BTBD9: variants seen among roughly 807,000 people sequenced by gnomAD.
The protein encoded by BTBD9 is BTB domain containing 9, also known as BTB/POZ domain-containing protein 9.
BTBD9 carries 49 observed loss-of-function variants against 64.3 expected under a neutral mutation model. That is an observed-to-expected ratio of 0.76 (90% confidence interval 0.61 to 0.97). The LOEUF is 0.97. Among genes scored for constraint, BTBD9 ranks in the 50% least tolerant of loss-of-function variants. BTBD9 has a pLI of 0.00. For missense variants in BTBD9, 598 were observed against 762.1 expected (o/e 0.78, Z 2.53); for synonymous variants, 260 against 274.7 (o/e 0.95, Z 0.53).
At chr6:38,588,765 A>G (rs1459607507) in intron 4 of BTBD9, among the ~76,000 whole-genome samples, 3 of 152,212 alleles carry the variant, frequency 2.0e-5, no homozygotes, top group Non-Finnish European at 2.9e-5. Flanking sequence ...CTACTCTTAC[A>G]TGTATGTAAA....
intron 6 of BTBD9, among the ~76,000 whole-genome samples, chr6:38,506,615 T>C (rs956113113): frequency 6.6e-6 from 1 of 152,238 alleles, no homozygotes; most frequent in African/African-American, 2.4e-5. Flanking sequence ...GCTGAACCAT[T>C]GTAAACTGGA....
chr6:38,217,664 T>A (rs1433090009), intron 9 of BTBD9, among the ~76,000 whole-genome samples: 2 of 151,886 alleles, frequency 1.3e-5, no homozygotes, highest in African/African-American at 2.4e-5. Context: ...TGGGCCCAGT[T>A]TGGTTTTTTA....
intron 6 of BTBD9, among the ~76,000 whole-genome samples, chr6:38,418,878 T>G (rs75544445): frequency 0.039 from 5,872 of 152,272 alleles, 197 homozygotes; most frequent in East Asian, 0.13. Flanking sequence ...TTTGGGAGGC[T>G]AAGGCAGGAG....
intron 5 of BTBD9, among the ~76,000 whole-genome samples, chr6:38,579,761 G>A (rs537056398): frequency 2.0e-5 from 3 of 152,186 alleles, no homozygotes; most frequent in African/African-American, 7.2e-5. Flanking sequence ...CATTTTAGAG[G>A]AATATTTTTT....
intron 7 of BTBD9, among the ~76,000 whole-genome samples, chr6:38,342,837 T>C (rs1764156458): frequency 6.6e-6 from 1 of 152,194 alleles, no homozygotes; most frequent in African/African-American, 2.4e-5. Context: ...CATGGAAAGC[T>C]GGAGATTACT....
At chr6:38,593,446 C>G (rs1739632) in intron 3 of BTBD9, among the ~76,000 whole-genome samples, 107,064 of 152,072 alleles carry the variant, frequency 0.7, 39,086 homozygotes, top group African/African-American at 0.92. Flanking sequence ...CACAACAAGG[C>G]AAATGGAGAG....
At position 38,180,203 on chromosome 6, in the gene BTBD9, G is replaced by A. The variant is rs968461429; in HGVS notation, c.1642-5021C>T. Among the ~76,000 whole-genome samples, 3 of 152,200 alleles carry A rather than the reference G, an allele frequency of 2.0e-5. 1 individual carries two copies. The South Asian group carries it at 6.2e-4, about 31-fold the overall frequency. On this transcript the variant is annotated intron_variant, in intron 10 of 10. Coordinates refer to ENST00000481247, the MANE Select transcript of BTBD9 (RefSeq NM_001099272.2). ...TGCACGCAATGCAAATGGGCATTCG[G>A]GGGGGCCTGTGGGTGGTCCCGATTC...
intron 9 of BTBD9, among the ~76,000 whole-genome samples, chr6:38,219,476 T>C (rs1763128382): frequency 6.6e-6 from 1 of 151,990 alleles, no homozygotes. Flanking sequence ...TACTCTCTCT[T>C]TACTGAATCA....
chr6:38,489,771 T>C (rs1374835157), intron 6 of BTBD9, among the ~76,000 whole-genome samples: 1 of 152,226 alleles, frequency 6.6e-6, no homozygotes, highest in East Asian at 1.9e-4. Context: ...TTATATGCCA[T>C]CTTTTGTGAA....
chr6:38,458,474 C>T (rs575946166), intron 6 of BTBD9, among the ~76,000 whole-genome samples: 2 of 152,280 alleles, frequency 1.3e-5, no homozygotes, highest in South Asian at 2.1e-4. Flanking sequence ...CCCTAAAAGG[C>T]TTAGAAAATA....
chr6:38,632,631 C>T (rs2127533926), intron 1 of BTBD9, among the ~76,000 whole-genome samples: 1 of 152,166 alleles, frequency 6.6e-6, no homozygotes, highest in East Asian at 1.9e-4. Context: ...AAACTTGGCA[C>T]CTATACATAA....
intron 8 of BTBD9, among the ~76,000 whole-genome samples, chr6:38,271,843 C>T (rs540961349): frequency 2.0e-5 from 3 of 152,252 alleles, no homozygotes; most frequent in East Asian, 3.9e-4. Context: ...GCAAATTCTA[C>T]ATGGAGCTTT....
chr6:38,404,392 G>C lies in BTBD9; in HGVS notation c.1155-59299C>G, dbSNP rs1360628775. Among the ~76,000 whole-genome samples the C allele has an allele frequency of 2.6e-5, 4 of 152,158 alleles. No individual in the cohort carries two copies. The East Asian group carries it at 7.7e-4, about 29-fold the overall frequency. On this transcript the variant is annotated intron_variant, in intron 6 of 10. Coordinates refer to ENST00000481247, the MANE Select transcript of BTBD9 (RefSeq NM_001099272.2). The stretch of plus-strand genomic sequence containing the variant: ...ATATCTTCAAACAGTAGTAGACCCA[G>C]TTAGGTAACCTTACTTGATACAGAA...
At chr6:38,244,736 G>A (rs1490450332) in intron 9 of BTBD9, among the ~76,000 whole-genome samples, 1 of 152,168 alleles carries the variant, frequency 6.6e-6, no homozygotes, top group African/African-American at 2.4e-5. Context: ...ACTAACGTGA[G>A]GGGCAATGAT....
chr6:38,566,331 T>C lies in BTBD9; in HGVS notation c.1154+11269A>G, dbSNP rs1463798099. 4.6e-5 allele frequency among the ~76,000 whole-genome samples: 7 copies of C among 152,324 alleles called. No individual in the cohort carries two copies. In the South Asian group the frequency reaches 8.3e-4, roughly 18 times the overall value. On this transcript the variant is annotated intron_variant, in intron 6 of 10. Transcript: ENST00000481247. Reference sequence around the variant, plus strand: ...ATCTTAAAGAAGTCAAGTATATGAATCTATACTTTAAAATCTTCAGTTTAC... The same window carrying C: ...ATCTTAAAGAAGTCAAGTATATGAACCTATACTTTAAAATCTTCAGTTTAC...
intron 6 of BTBD9, among the ~76,000 whole-genome samples, chr6:38,357,355 C>G (rs1013808445): frequency 6.6e-6 from 1 of 152,178 alleles, no homozygotes; most frequent in African/African-American, 2.4e-5. Flanking sequence ...TGCTTTACAT[C>G]TTTCTCTTCC....
intron 6 of BTBD9, among the ~76,000 whole-genome samples, chr6:38,512,959 T>C (rs1048811207): frequency 6.6e-6 from 1 of 152,120 alleles, no homozygotes; most frequent in Non-Finnish European, 1.5e-5. Flanking sequence ...AATAAGAAGC[T>C]AGTAAAAAAG....
chr6:38,623,752 T>C (rs1048847109), intron 1 of BTBD9, among the ~76,000 whole-genome samples: 20 of 152,258 alleles, frequency 1.3e-4, no homozygotes, highest in African/African-American at 4.8e-4. Context: ...TACTTGCCTT[T>C]GGGCCCTGTA....
intron 6 of BTBD9, among the ~76,000 whole-genome samples, chr6:38,497,365 T>G (rs1772002699): frequency 6.6e-6 from 1 of 152,198 alleles, no homozygotes. Context: ...TTCTCTAATG[T>G]AGGTCCCAAG....
Sources: gnomAD v4.1 joint callset for allele counts (sites outside exome capture counted in the v4.1 genomes callset) on GRCh38, gnomAD v4.1.1 for gene constraint, MANE v1.5 for transcripts, NCBI Gene and HGNC (gene_info 2026-07-23, HGNC 2026-07-21) for gene names.